SLC18A2: variants seen among roughly 807,000 people sequenced by gnomAD.
SLC18A2 encodes the protein solute carrier family 18 member A2.
SLC18A2 carries 33 observed loss-of-function variants against 59.2 expected under a neutral mutation model. That is an observed-to-expected ratio of 0.56 (90% CI 0.42 to 0.75). The LOEUF (loss-of-function observed/expected upper bound fraction) is 0.75. SLC18A2 is among the 30% of genes least tolerant of loss of function. The pLI is 0.00. For missense variants in SLC18A2, 569 were observed against 668.6 expected (o/e 0.85, Z 1.64); for synonymous variants, 228 against 253.5 (o/e 0.90, Z 0.95).
chr10:117,247,023 G>C (rs1024395429), intron 3 of SLC18A2, among the ~76,000 whole-genome samples: 2 of 152,228 alleles, frequency 1.3e-5, no homozygotes, highest in Non-Finnish European at 2.9e-5. Flanking sequence ...CAGTAGATAT[G>C]AATTTGGGGA....
chr10:117,277,230 T>C lies in SLC18A2; in HGVS notation c.1509T>C (p.Tyr503=), dbSNP rs141060102. Residue 503 remains tyrosine (Y), a synonymous_variant, in exon 16 of 16, where the codon TAT becomes TAC. Coordinates refer to ENST00000644641, the MANE Select transcript of SLC18A2 (RefSeq NM_003054.6). ...KMYTQNNIQS[Y]PIGEDEESES... is the part of the protein sequence containing the mutation. ...ACACTCAGAATAATATCCAGTCATA[T>C]CCGATAGGTGAAGATGAAGAATCTG... 1.9e-6 allele frequency: 3 copies of C among 1,611,240 alleles called. No homozygotes were observed. Among genetic ancestry groups the C allele is most frequent in the East Asian group, 2.2e-5 (1 of 44,806 alleles).
intron 15 of SLC18A2, among the ~76,000 whole-genome samples, chr10:117,274,797 G>C (rs1844466527): frequency 6.6e-6 from 1 of 152,192 alleles, no homozygotes; most frequent in Admixed American, 6.5e-5. Context: ...CTCCACCTGG[G>C]ACCCTGGAGT....
intron 6 of SLC18A2, among the ~76,000 whole-genome samples, chr10:117,254,843 C>T (rs913803755): frequency 6.6e-6 from 1 of 152,200 alleles, no homozygotes; most frequent in Admixed American, 6.5e-5. Flanking sequence ...CCCCAGCTGC[C>T]CTGGCTGACT....
rs117643765 is a variant in SLC18A2 at position 117,249,744 on chromosome 10, G to A, written c.465-3655G>A. ...CATTGACCATTTAGGGACAGATGGG[G>A]TTTCTCCAATGACTAAGTATATATA... On this transcript the variant is annotated intron_variant, in intron 3 of 15. Transcript: ENST00000644641. Among the ~76,000 whole-genome samples the A allele has an allele frequency of 3.8e-3, 586 of 152,290 alleles. 4 individuals carry two copies. The highest frequency in any genetic ancestry group is 6.6e-3 in the Non-Finnish European group (452 of 68,022).
At chr10:117,261,406 C>T (rs1844293729) in intron 10 of SLC18A2, among the ~76,000 whole-genome samples, 1 of 152,232 alleles carries the variant, frequency 6.6e-6, no homozygotes, top group Admixed American at 6.5e-5. Flanking sequence ...CTCCTGGGTT[C>T]AAGCAATTCT....
At position 117,266,615 on chromosome 10, in the gene SLC18A2, G is replaced by A. The variant is rs952924776; in HGVS notation, c.992-118G>A. The A allele has an allele frequency of 3.9e-6, 3 of 774,238 alleles. 1 individual carries two copies. Among genetic ancestry groups the A allele is most frequent in the African/African-American group, 1.8e-5 (1 of 56,830 alleles). 48.0% of individuals were successfully genotyped at this position (774,238 alleles called of 1,614,324 possible). On this transcript the variant is annotated intron_variant, in intron 10 of 15. Coordinates refer to ENST00000644641, the MANE Select transcript of SLC18A2 (RefSeq NM_003054.6). ...CGCCGGATATTAGCTGCTGGGGTGT[G>A]GGCCCCGGGGCTTCGTTTTATCTGC... is the stretch of plus-strand genomic sequence containing the variant.
At position 117,267,047 on chromosome 10, in the gene SLC18A2, AT is replaced by A; in HGVS notation, c.1122+13del. 4 of 1,606,464 alleles carry A rather than the reference AT, an allele frequency of 2.5e-6. No homozygotes were observed. Among genetic ancestry groups the A allele is most frequent in the Non-Finnish European group, 3.4e-6 (4 of 1,174,234 alleles). Reference sequence around the variant, plus strand: ...TCAGCATTTTATGTGTGAGTAAAAGATGGCATTTGACAAGTGGGAACAATCT... The same window carrying A: ...TCAGCATTTTATGTGTGAGTAAAAGAGGCATTTGACAAGTGGGAACAATCT... On this transcript the variant is annotated intron_variant, in intron 12 of 15. Transcript: ENST00000644641.
intron 2 of SLC18A2, among the ~76,000 whole-genome samples, chr10:117,242,481 C>T (rs974087660): frequency 6.6e-6 from 1 of 151,906 alleles, no homozygotes; most frequent in Non-Finnish European, 1.5e-5. Context: ...AAAAAAATCA[C>T]GACTCATTTA....
At chr10:117,242,438 TA>T (rs11313765) in intron 2 of SLC18A2, among the ~76,000 whole-genome samples, 10,649 of 147,628 alleles carry the variant, frequency 0.072, 553 homozygotes, top group Admixed American at 0.16. Flanking sequence ...TGCATTTCCT[TA>T]AAAAAAAAAA....
rs551732724 is a variant in SLC18A2, at chr10:117,245,220, G to A, written c.464+907G>A. Among the ~76,000 whole-genome samples the A allele has an allele frequency of 2.0e-5, 3 of 152,330 alleles. No individual in the cohort carries two copies. The East Asian group carries it at 5.8e-4, about 29-fold the overall frequency. On this transcript the variant is annotated intron_variant, in intron 3 of 15. Transcript: ENST00000644641. Reference sequence around the variant, plus strand: ...CCAAGTGCGCAGTGTAGCTACCTAGGTGAAAGTTACAAAACACCAGAAATG... The same window carrying A: ...CCAAGTGCGCAGTGTAGCTACCTAGATGAAAGTTACAAAACACCAGAAATG...
At chr10:117,249,256 G>A (rs1844137575) in intron 3 of SLC18A2, among the ~76,000 whole-genome samples, 1 of 152,188 alleles carries the variant, frequency 6.6e-6, no homozygotes, top group Non-Finnish European at 1.5e-5. Context: ...ACTGGCTGTG[G>A]AATTAGAACA....
intron 15 of SLC18A2, among the ~76,000 whole-genome samples, chr10:117,275,034 A>AC (rs1331511696): frequency 6.6e-6 from 1 of 151,728 alleles, no homozygotes; most frequent in Non-Finnish European, 1.5e-5. Context: ...CCATCTCTCC[A>AC]CCCCTACATT....
intron 10 of SLC18A2, among the ~76,000 whole-genome samples, chr10:117,258,762 G>A (rs973385854): frequency 1.2e-4 from 14 of 119,148 alleles, no homozygotes; most frequent in African/African-American, 3.8e-4. Flanking sequence ...GTACACCCCC[G>A]ACTCTTTTTT....
chr10:117,247,643 A>G (rs1844122237), intron 3 of SLC18A2, among the ~76,000 whole-genome samples: 1 of 152,210 alleles, frequency 6.6e-6, no homozygotes, highest in Admixed American at 6.5e-5. Context: ...ACTTTTAATC[A>G]ATGAGCAGAG....
intron 3 of SLC18A2, among the ~76,000 whole-genome samples, chr10:117,248,185 G>T (rs913162334): frequency 6.6e-6 from 1 of 151,864 alleles, no homozygotes; most frequent in Non-Finnish European, 1.5e-5. Flanking sequence ...GGCTGATCTC[G>T]AACTCCTGAC....
chr10:117,273,015 G>A (rs1460442769), intron 15 of SLC18A2, among the ~76,000 whole-genome samples: 5 of 152,220 alleles, frequency 3.3e-5, no homozygotes, highest in Admixed American at 2.6e-4. Flanking sequence ...GGGGATGTGA[G>A]GGCCAGAAGG....
At chr10:117,254,745 G>A (rs1029158582) in intron 6 of SLC18A2, among the ~76,000 whole-genome samples, 1 of 152,196 alleles carries the variant, frequency 6.6e-6, no homozygotes, top group Non-Finnish European at 1.5e-5. Flanking sequence ...GAAAACCAAA[G>A]GTTGAACAGG....
At chr10:117,268,028 C>T (rs1844368849) in intron 13 of SLC18A2, 1 of 302,450 alleles carries the variant, frequency 3.3e-6, no homozygotes, top group South Asian at 8.4e-5. Flanking sequence ...TTGCACAGAG[C>T]TCATTTTTGT....
rs758357285 is a variant in SLC18A2, at chr10:117,278,629, C to G, written c.*1363C>G. ...ATCATAAACAAAAATTACTTAGTTT[C>G]GTTAAGCTAAGATTGTGTTTGTGTT... is the stretch of plus-strand genomic sequence containing the variant. On this transcript the variant is annotated 3_prime_UTR_variant, in exon 16 of 16. Coordinates refer to ENST00000644641, the MANE Select transcript of SLC18A2 (RefSeq NM_003054.6). 3 of 151,776 alleles carry G rather than the reference C, an allele frequency of 2.0e-5. No homozygotes were observed. The highest frequency in any genetic ancestry group is 4.4e-5 in the Non-Finnish European group (3 of 68,016). The allele number at this position is 151,776 out of a possible 1,614,324, so 9.4% of individuals were successfully genotyped here.
Sources: gnomAD v4.1 joint callset for allele counts (sites outside exome capture counted in the v4.1 genomes callset) on GRCh38, gnomAD v4.1.1 for gene constraint, MANE v1.5 for transcripts, NCBI Gene and HGNC (gene_info 2026-07-23, HGNC 2026-07-21) for gene names.